Variants in WDPCP observed in about 807,000 individuals in gnomAD.
WDPCP encodes WD repeat-containing and planar cell polarity effector protein fritz homolog.
A neutral mutation model predicts 93.1 loss-of-function variants in WDPCP; 71 were observed. That is an observed-to-expected ratio of 0.76 (90% CI 0.63 to 0.93). The LOEUF (loss-of-function observed/expected upper bound fraction) is 0.93. Ranked by LOEUF, WDPCP falls within the 40% of genes least tolerant of loss-of-function variation. The probability of loss-of-function intolerance (pLI) is 0.00; values close to 1 mark genes in which losing one functional copy is unlikely to be tolerated. For synonymous variants in WDPCP, 315 were observed against 315.0 expected (o/e 1.00, Z 0.00); for missense variants, 844 against 887.4 (o/e 0.95, Z 0.62).
At chr2:63,689,472 T>C (rs1301865231) in intron 2 of WDPCP, among the ~76,000 whole-genome samples, 1 of 152,150 alleles carries the variant, frequency 6.6e-6, no homozygotes, top group Admixed American at 6.5e-5. Context: ...CTAAGGTAAT[T>C]GTGACGGATA....
rs1276656637 is a variant in WDPCP, at chr2:63,335,904, C to T, written c.1749-22593G>A. Among the ~76,000 whole-genome samples the T allele has an allele frequency of 2.0e-5, 3 of 152,274 alleles. No homozygotes were observed. The East Asian group carries it at 5.8e-4, about 29-fold the overall frequency. On this transcript the variant is annotated intron_variant, in intron 12 of 17. Coordinates refer to ENST00000272321, the MANE Select transcript of WDPCP (RefSeq NM_015910.7). ...AGGAGTCAGACAAAACCTGCCAAAA[C>T]CAAAATGGCAACGAGAGCGACCTCT...
chr2:63,218,512 T>C (rs1677541250), intron 14 of WDPCP, among the ~76,000 whole-genome samples: 1 of 149,310 alleles, frequency 6.7e-6, no homozygotes, highest in Non-Finnish European at 1.5e-5. Flanking sequence ...ATACAGATTG[T>C]TCTTTTATTT....
chr2:63,190,432 C>CA (rs57419276), intron 14 of WDPCP, among the ~76,000 whole-genome samples: 28,438 of 92,146 alleles, frequency 0.31, 3,966 homozygotes, highest in East Asian at 0.67. Context: ...GACCTTGTCT[C>CA]AAAAAAAAAA....
intron 3 of WDPCP, among the ~76,000 whole-genome samples, chr2:63,649,096 G>A (rs1050760097): frequency 2.6e-5 from 4 of 152,026 alleles, no homozygotes; most frequent in Non-Finnish European, 4.4e-5. Context: ...TATTGACTAT[G>A]GTGAGCAACT....
At chr2:63,165,583 T>C (rs1398707033) in intron 15 of WDPCP, among the ~76,000 whole-genome samples, 1 of 151,912 alleles carries the variant, frequency 6.6e-6, no homozygotes, top group Non-Finnish European at 1.5e-5. Context: ...CCTTTTGCTC[T>C]TTTACAGGGT....
chr2:63,725,532 A>G (rs1669485023), intron 2 of WDPCP, among the ~76,000 whole-genome samples: 1 of 152,144 alleles, frequency 6.6e-6, no homozygotes, highest in African/African-American at 2.4e-5. Flanking sequence ...TTTACGGTAG[A>G]ATGATTTATA....
In WDPCP at chr2:63,487,580, T is replaced by C. The variant is rs878947974; in HGVS notation, c.161-86A>G. 40 of 990,008 alleles carry C rather than the reference T, an allele frequency of 4.0e-5. No individual in the cohort carries two copies. The South Asian group carries it at 4.3e-4, about 11-fold the overall frequency. 61.3% of individuals were successfully genotyped at this position (990,008 alleles called of 1,614,324 possible). A position where few individuals can be genotyped will look rare whatever the true frequency, so the allele number is the denominator to read the frequency against. ...AAGCCATACTATATTAGGGGAAGGA[T>C]AGGGAGAAAAGCAGAAACAGTCTCC... On this transcript the variant is annotated intron_variant, in intron 2 of 17. Transcript: ENST00000272321.
intron 2 of WDPCP, among the ~76,000 whole-genome samples, chr2:63,674,871 G>T (rs1042293627): frequency 6.6e-6 from 1 of 152,140 alleles, no homozygotes; most frequent in Non-Finnish European, 1.5e-5. Context: ...GTAGTTCCTT[G>T]TAAGTAAATA....
chr2:63,397,934 T>G (rs933347817), intron 10 of WDPCP, among the ~76,000 whole-genome samples: 3 of 152,104 alleles, frequency 2.0e-5, no homozygotes, highest in African/African-American at 7.2e-5. Flanking sequence ...TGTTAGTCTG[T>G]TTTTATGGTG....
intron 3 of WDPCP, among the ~76,000 whole-genome samples, chr2:63,602,580 G>C (rs1039538167): frequency 1.3e-5 from 2 of 151,876 alleles, no homozygotes; most frequent in African/African-American, 2.4e-5. Context: ...CTTTATGAAT[G>C]ATTCTATGAC....
At position 63,292,758 on chromosome 2, in the gene WDPCP, G is replaced by A. The variant is rs551193723; in HGVS notation, c.1812+20490C>T. 1.1e-4 allele frequency among the ~76,000 whole-genome samples: 16 copies of A among 152,316 alleles called. 1 individual carries two copies. Among genetic ancestry groups the A allele is most frequent in the African/African-American group, 3.6e-4 (15 of 41,574 alleles). On this transcript the variant is annotated intron_variant, in intron 13 of 17. Coordinates refer to ENST00000272321, the MANE Select transcript of WDPCP (RefSeq NM_015910.7). ...AAGATGACAGAGTAGAAAGCACCAGGAATCTGGAACCTAAATAATAATTGC... is the reference window on the plus strand; with the variant it reads ...AAGATGACAGAGTAGAAAGCACCAGAAATCTGGAACCTAAATAATAATTGC...
At chr2:63,673,750 G>A (rs2106635255) in intron 2 of WDPCP, among the ~76,000 whole-genome samples, 1 of 152,250 alleles carries the variant, frequency 6.6e-6, no homozygotes, top group Middle Eastern at 3.4e-3. Context: ...AGTCTTATTT[G>A]AGAAAGTCTT....
chr2:63,443,963 TA>T (rs2105561391), intron 6 of WDPCP, among the ~76,000 whole-genome samples: 1 of 152,248 alleles, frequency 6.6e-6, no homozygotes, highest in East Asian at 1.9e-4. Context: ...AAGTTTAAAG[TA>T]TTTATGGACA....
At chr2:63,299,279 C>CTG (rs1418105787) in intron 13 of WDPCP, among the ~76,000 whole-genome samples, 2 of 152,196 alleles carry the variant, frequency 1.3e-5, no homozygotes, top group Non-Finnish European at 2.9e-5. Context: ...AGCCCATTGG[C>CTG]TACTATGCCC....
chr2:63,282,851 G>A (rs906265464), intron 13 of WDPCP, among the ~76,000 whole-genome samples: 2 of 151,718 alleles, frequency 1.3e-5, no homozygotes, highest in Non-Finnish European at 2.9e-5. Context: ...ATATAAAATG[G>A]CCTGGCATTT....
intron 1 of WDPCP, among the ~76,000 whole-genome samples, chr2:63,567,136 C>T (rs183327304): frequency 5.9e-5 from 9 of 152,226 alleles, no homozygotes; most frequent in South Asian, 2.1e-4. Context: ...TATTTAGTGG[C>T]GTTAAAGGTT....
rs778696503 is a variant in WDPCP, at chr2:63,174,558, C to T, written c.2078+112G>A. On this transcript the variant is annotated intron_variant, in intron 15 of 17. Transcript: ENST00000272321. Reference sequence around the variant, plus strand: ...TGCAAAGTCTGAGCCATGAGAAATGCAAATTTTTCTCCTTGACATTTTGAA... The same window carrying T: ...TGCAAAGTCTGAGCCATGAGAAATGTAAATTTTTCTCCTTGACATTTTGAA... 1,018 of 1,452,312 alleles carry T rather than the reference C, an allele frequency of 7.0e-4. 2 individuals are homozygous for T. Among genetic ancestry groups the T allele is most frequent in the Non-Finnish European group, 8.9e-4 (931 of 1,044,822 alleles). 90.0% of individuals were successfully genotyped at this position (1,452,312 alleles called of 1,614,324 possible). A position where few individuals can be genotyped will look rare whatever the true frequency, so the allele number is the denominator to read the frequency against.
intron 3 of WDPCP, among the ~76,000 whole-genome samples, chr2:63,603,245 C>T (rs990415663): frequency 2.0e-5 from 3 of 152,082 alleles, no homozygotes; most frequent in South Asian, 2.1e-4. Context: ...TGTGAGCCAC[C>T]GCGCCTGGCA....
At chr2:63,484,332 A>T (rs1700440138) in intron 6 of WDPCP, among the ~76,000 whole-genome samples, 1 of 152,008 alleles carries the variant, frequency 6.6e-6, no homozygotes, top group Non-Finnish European at 1.5e-5. Flanking sequence ...TACAACATTC[A>T]GACAACTTCA....
Sources: gnomAD v4.1 joint callset for allele counts (sites outside exome capture counted in the v4.1 genomes callset) on GRCh38, gnomAD v4.1.1 for gene constraint, MANE v1.5 for transcripts, NCBI Gene and HGNC (gene_info 2026-07-23, HGNC 2026-07-21) for gene names.